The following SDK1 variants were observed in gnomAD, a reference collection of about 807,000 sequenced individuals.
SDK1 encodes the protein protein sidekick-1.
SDK1 carries 157 observed loss-of-function variants against 245.5 expected under a neutral mutation model. The observed-to-expected ratio is 0.64, with a 90% CI of 0.56 to 0.73. The LOEUF is 0.73. Ranked by LOEUF, SDK1 falls within the 30% of genes least tolerant of loss-of-function variation. The probability of loss-of-function intolerance (pLI) is 0.00; values close to 1 mark genes in which losing one functional copy is unlikely to be tolerated. For synonymous variants in SDK1, 1,647 were observed against 1,278.5 expected (o/e 1.29, Z -6.15); for missense variants, 3,583 against 3,002.3 (o/e 1.19, Z -4.52).
At chr7:3,945,645 C>T (rs1780544484) in intron 5 of SDK1, among the ~76,000 whole-genome samples, 1 of 152,044 alleles carries the variant, frequency 6.6e-6, no homozygotes, top group East Asian at 1.9e-4. Flanking sequence ...CCTGTAATCC[C>T]AGCACTTCGG....
Position 3,950,980 on chromosome 7 carries a change from G to A in SDK1, c.905G>A (p.Arg302Lys). 6.2e-7 allele frequency: 1 copy of A among 1,614,152 alleles called. No homozygotes were observed. Residue 302 changes from arginine (R) to lysine (K), a missense_variant, in exon 6 of 45, where the codon AGA (arginine) becomes AAA (lysine). Arg to Lys is a conservative substitution (Grantham distance 26, BLOSUM62 2). Transcript: ENST00000404826. ...APTIVVPPGNRSVVAGSSETT... is the reference protein window; with the variant it reads ...APTIVVPPGNKSVVAGSSETT... Reference sequence around the variant, plus strand: ...ACCATTGTGGTTCCCCCGGGCAACAGAAGTGTGGTGGCTGGATCCAGTGAG... The same window carrying A: ...ACCATTGTGGTTCCCCCGGGCAACAAAAGTGTGGTGGCTGGATCCAGTGAG...
chr7:4,251,567 A>G (rs968326082), intron 44 of SDK1, among the ~76,000 whole-genome samples: 1 of 152,234 alleles, frequency 6.6e-6, no homozygotes, highest in African/African-American at 2.4e-5. Context: ...TTTTATCGGA[A>G]GCTGGTCACA....
intron 1 of SDK1, among the ~76,000 whole-genome samples, chr7:3,518,142 C>G (rs146550999): frequency 4.0e-5 from 6 of 151,848 alleles, no homozygotes; most frequent in African/African-American, 1.5e-4. Context: ...TATAGCATAC[C>G]CAGTTTGAGT....
intron 5 of SDK1, among the ~76,000 whole-genome samples, chr7:3,938,664 A>G (rs924036517): frequency 3.3e-5 from 5 of 151,184 alleles, no homozygotes; most frequent in Admixed American, 3.3e-4. Flanking sequence ...AAAAAAAGAG[A>G]TCCTCAGCTG....
intron 1 of SDK1, among the ~76,000 whole-genome samples, chr7:3,433,089 C>G (rs17133347): frequency 6.6e-6 from 1 of 152,088 alleles, no homozygotes; most frequent in Non-Finnish European, 1.5e-5. Context: ...CAAAACCTAT[C>G]CCCAGAGATT....
intron 1 of SDK1, among the ~76,000 whole-genome samples, chr7:3,538,125 T>A (rs946548293): frequency 1.3e-5 from 2 of 152,218 alleles, no homozygotes; most frequent in Admixed American, 6.5e-5. Flanking sequence ...AAATCCAGAT[T>A]TCTTAGCATG....
chr7:3,866,709 C>G (rs928107365), intron 5 of SDK1, among the ~76,000 whole-genome samples: 2 of 152,164 alleles, frequency 1.3e-5, no homozygotes, highest in African/African-American at 4.8e-5. Flanking sequence ...GTGAGGCATA[C>G]AGACACCAGG....
Position 3,615,655 on chromosome 7 carries a change from G to T in SDK1, c.299-3425G>T, listed in dbSNP as rs534146438. Among the ~76,000 whole-genome samples the T allele has an allele frequency of 3.3e-5, 5 of 151,596 alleles. No homozygotes were observed. The East Asian group carries it at 9.6e-4, about 29-fold the overall frequency. ...TGAACAGAAAGTTGTACAAGTCAGA[G>T]ACATAAGAATCCTTCTTGACATCTC... On this transcript the variant is annotated intron_variant, in intron 1 of 44. Coordinates refer to ENST00000404826, the MANE Select transcript of SDK1 (RefSeq NM_152744.4).
At position 3,998,085 on chromosome 7, in the gene SDK1, A is replaced by G. The variant is rs570460077; in HGVS notation, c.2131+10763A>G. On this transcript the variant is annotated intron_variant, in intron 14 of 44. Transcript: ENST00000404826. ...CCTGCTCCCAGCCCGCCAAGAGCAC[A>G]AGGAGGCTAGGATCTGCAGCCACGA... 2.0e-5 allele frequency among the ~76,000 whole-genome samples: 3 copies of G among 152,228 alleles called. No individual in the cohort carries two copies. In the South Asian group the frequency reaches 6.2e-4, roughly 32 times the overall value.
rs192958242 is a variant in SDK1 at position 3,321,746 on chromosome 7, C to T, written c.298+19862C>T. Among the ~76,000 whole-genome samples the T allele has an allele frequency of 3.7e-3, 329 of 89,816 alleles. 8 individuals carry two copies. The highest frequency in any genetic ancestry group is 0.015 in the African/African-American group (316 of 21,026). 58.9% of individuals were successfully genotyped at this position (89,816 alleles called of 152,430 possible). On this transcript the variant is annotated intron_variant, in intron 1 of 44. Coordinates refer to ENST00000404826, the MANE Select transcript of SDK1 (RefSeq NM_152744.4). ...CCCTCTCCCTCCCATCCCCTCCCCC[C>T]TCCTTCCCCTCCCTCCCTTCCTTCC... is the stretch of plus-strand genomic sequence containing the variant.
chr7:3,519,538 T>G (rs2128614013), intron 1 of SDK1, among the ~76,000 whole-genome samples: 1 of 152,076 alleles, frequency 6.6e-6, no homozygotes, highest in South Asian at 2.1e-4. Context: ...TGGGCATGAT[T>G]TAAAGCATTT....
At chr7:3,509,083 TGC>T (rs1047835538) in intron 1 of SDK1, among the ~76,000 whole-genome samples, 23 of 125,906 alleles carry the variant, frequency 1.8e-4, no homozygotes, top group East Asian at 4.9e-4. Flanking sequence ...TGTGTGTGTG[TGC>T]GTGTGTGTGT....
Position 3,644,773 on chromosome 7 carries a change from C to CAAAAAAAAAAAA in SDK1, c.713+2676_713+2687dup, listed in dbSNP as rs34276127. Among the ~76,000 whole-genome samples, 49 of 40,012 alleles carry CAAAAAAAAAAAA rather than the reference C, an allele frequency of 1.2e-3. 4 individuals are homozygous for CAAAAAAAAAAAA. Among genetic ancestry groups the CAAAAAAAAAAAA allele is most frequent in the African/African-American group, 3.8e-3 (39 of 10,260 alleles). The allele number at this position is 40,012 out of a possible 152,430, so 26.2% of individuals were successfully genotyped here. On this transcript the variant is annotated intron_variant, in intron 4 of 44. Transcript: ENST00000404826. ...GGGTGACAGAGCAAGACCCTGTCTC[C>CAAAAAAAAAAAA]AAAAAAAAAAAAAAAAAAACAAAAA...
intron 1 of SDK1, among the ~76,000 whole-genome samples, chr7:3,550,297 T>C (rs1029789125): frequency 6.6e-6 from 1 of 152,240 alleles, no homozygotes; most frequent in Admixed American, 6.5e-5. Context: ...GAAATCATTC[T>C]AGCCTTTATA....
chr7:3,794,382 A>G (rs1397163165), intron 4 of SDK1, among the ~76,000 whole-genome samples: 2 of 152,342 alleles, frequency 1.3e-5, no homozygotes, highest in South Asian at 2.1e-4. Flanking sequence ...TGGCAAGGGC[A>G]TAGCTTTGGG....
At chr7:3,405,822 T>TTG (rs1779038616) in intron 1 of SDK1, among the ~76,000 whole-genome samples, 1 of 149,844 alleles carries the variant, frequency 6.7e-6, no homozygotes, top group African/African-American at 2.5e-5. Context: ...TTCTTTTTTT[T>TTG]TTTTTTTTTT....
At chr7:3,858,993 G>T (rs1780617748) in intron 5 of SDK1, among the ~76,000 whole-genome samples, 1 of 150,842 alleles carries the variant, frequency 6.6e-6, no homozygotes, top group Admixed American at 6.6e-5. Context: ...CTCCCGAGTA[G>T]CTGGGACCAC....
chr7:3,515,064 A>G lies in SDK1; in HGVS notation c.299-104016A>G, dbSNP rs139631436. 1.3e-4 allele frequency among the ~76,000 whole-genome samples: 20 copies of G among 152,198 alleles called. No individual in the cohort carries two copies. In the East Asian group the frequency reaches 3.9e-3, roughly 30 times the overall value. ...CACTAGAGTTCCCTTGACATCATCC[A>G]AGATATTCTGCGGGTAGAAGGAGCA... On this transcript the variant is annotated intron_variant, in intron 1 of 44. Transcript: ENST00000404826.
intron 4 of SDK1, among the ~76,000 whole-genome samples, chr7:3,709,574 T>C (rs947244737): frequency 6.6e-6 from 1 of 152,216 alleles, no homozygotes; most frequent in Non-Finnish European, 1.5e-5. Context: ...GTGGTTTCTT[T>C]CCATTTTTCT....
Sources: allele counts gnomAD v4.1 joint callset (sites outside exome capture counted in the v4.1 genomes callset), GRCh38; gene constraint gnomAD v4.1.1; transcripts MANE v1.5; gene names NCBI Gene and HGNC (gene_info 2026-07-23, HGNC 2026-07-21).